Variants in PARN observed in about 807,000 individuals in gnomAD.
PARN encodes the protein poly(A)-specific ribonuclease PARN.
PARN carries 71 observed loss-of-function variants against 102.8 expected under a neutral mutation model. That is an observed-to-expected ratio of 0.69 (90% CI 0.57 to 0.84). The LOEUF (loss-of-function observed/expected upper bound fraction) is 0.84, where lower values mean the gene tolerates loss of function less well. Ranked by LOEUF, PARN falls within the 40% of genes least tolerant of loss-of-function variation. The pLI is 0.00. For synonymous variants in PARN, 261 were observed against 252.9 expected, an observed-to-expected ratio of 1.03 and a Z score of -0.30; for missense variants, 782 against 760.9, an observed-to-expected ratio of 1.03 and a Z score of -0.33.
At chr16:14,523,024 T>A in intron 21 of PARN, among the ~76,000 whole-genome samples, 1 of 151,554 alleles carries the variant, frequency 6.6e-6, no homozygotes, top group East Asian at 1.9e-4. Context: ...ACAAAGCAAC[T>A]CAGAAAGAAA....
At chr16:14,494,480 G>A (rs539002972) in intron 21 of PARN, among the ~76,000 whole-genome samples, 1 of 152,314 alleles carries the variant, frequency 6.6e-6, no homozygotes, top group Non-Finnish European at 1.5e-5. Context: ...TGAGACTTGA[G>A]GGTTGGGAGA....
intron 21 of PARN, among the ~76,000 whole-genome samples, chr16:14,509,259 T>C (rs1300141061): frequency 1.3e-5 from 2 of 152,152 alleles, no homozygotes; most frequent in African/African-American, 4.8e-5. Flanking sequence ...TGATGTGGCA[T>C]CCAGACACCA....
chr16:14,438,446 G>GT (rs1207473365), intron 23 of PARN, among the ~76,000 whole-genome samples: 11 of 150,542 alleles, frequency 7.3e-5, no homozygotes, highest in African/African-American at 1.7e-4. Flanking sequence ...TTAGTTGGGG[G>GT]GGGGGGTGTG....
rs144904092 is a variant in PARN, at chr16:14,624,370, T to C, written c.327+2736A>G. Reference sequence around the variant, plus strand: ...TTAACCTTTTCATACAATTCCCAAATTTAGAGTCTAAACCTTTTCTCTGCC... The same window carrying C: ...TTAACCTTTTCATACAATTCCCAAACTTAGAGTCTAAACCTTTTCTCTGCC... On this transcript the variant is annotated intron_variant, in intron 5 of 23. Coordinates refer to ENST00000437198, the MANE Select transcript of PARN (RefSeq NM_002582.4). 2.5e-3 allele frequency among the ~76,000 whole-genome samples: 380 copies of C among 152,338 alleles called. 2 individuals are homozygous for C. The highest frequency in any genetic ancestry group is 0.014 in the Middle Eastern group (4 of 294).
intron 5 of PARN, among the ~76,000 whole-genome samples, chr16:14,626,672 C>T (rs1243965895): frequency 1.3e-5 from 2 of 150,588 alleles, no homozygotes; most frequent in East Asian, 1.9e-4. Flanking sequence ...AGTGCAGGGG[C>T]GTGATCTCGG....
At chr16:14,605,205 A>C (rs1971110780) in intron 10 of PARN, among the ~76,000 whole-genome samples, 1 of 152,144 alleles carries the variant, frequency 6.6e-6, no homozygotes, top group Admixed American at 6.5e-5. Flanking sequence ...CAGCCTCCCA[A>C]AGTGCTGGGA....
rs141710969 is a variant in PARN at position 14,513,766 on chromosome 16, C to G, written c.1481-30939G>C. Among the ~76,000 whole-genome samples the G allele has an allele frequency of 4.6e-3, 708 of 152,304 alleles. 9 individuals carry two copies. The highest frequency in any genetic ancestry group is 0.016 in the African/African-American group (669 of 41,572). On this transcript the variant is annotated intron_variant, in intron 21 of 23. Coordinates refer to ENST00000437198, the MANE Select transcript of PARN (RefSeq NM_002582.4). ...AAAGCTCTCACTGACCATTCTTTCACTTCTTGGAGCAAAACTCTCTTTCTT... is the reference window on the plus strand; with the variant it reads ...AAAGCTCTCACTGACCATTCTTTCAGTTCTTGGAGCAAAACTCTCTTTCTT...
intron 21 of PARN, among the ~76,000 whole-genome samples, chr16:14,538,239 G>A (rs1054422765): frequency 2.2e-5 from 1 of 44,642 alleles, no homozygotes; most frequent in Admixed American, 2.6e-4. Context: ...TTTTTTTTTT[G>A]AGACAGTTTC....
chr16:14,628,176 T>C lies in PARN; in HGVS notation c.173A>G (p.Lys58Arg). 6.3e-7 allele frequency: 1 copy of C among 1,579,460 alleles called. No individual in the cohort carries two copies. The highest frequency in any genetic ancestry group is 8.7e-7 in the Non-Finnish European group (1 of 1,149,986). ...TTTCCTAGCACATCCACTTGCCTTTTTAAGCTTCTGATACCTCTCTTCTGG... is the reference window on the plus strand; with the variant it reads ...TTTCCTAGCACATCCACTTGCCTTTCTAAGCTTCTGATACCTCTCTTCTGG... ...DTPEERYQKL[K>R]KHSMDFLLFQ... The change falls in exon 3 of 24, where the codon AAA (lysine) becomes AGA (arginine). Residue 58 changes from lysine to arginine, a missense_variant. Coordinates refer to ENST00000437198, the MANE Select transcript of PARN (RefSeq NM_002582.4).
intron 18 of PARN, among the ~76,000 whole-genome samples, chr16:14,556,814 A>G (rs1463567907): frequency 1.3e-5 from 2 of 152,178 alleles, no homozygotes; most frequent in East Asian, 3.8e-4. Context: ...AATGAAATGC[A>G]AAGTCACTGG....
chr16:14,586,290 G>A (rs755054535), intron 14 of PARN, 28 bp downstream of exon 14: 181 of 1,480,432 alleles, frequency 1.2e-4, no homozygotes, highest in Non-Finnish European at 1.5e-4. Context: ...TTTTTTAAAA[G>A]AAAGACAAAT....
At chr16:14,478,696 T>C (rs1963208931) in intron 22 of PARN, among the ~76,000 whole-genome samples, 1 of 152,222 alleles carries the variant, frequency 6.6e-6, no homozygotes, top group African/African-American at 2.4e-5. Flanking sequence ...ATAGAAAACC[T>C]TATGGAATAT....
At chr16:14,587,334 A>T (rs964560318) in intron 13 of PARN, among the ~76,000 whole-genome samples, 1 of 152,214 alleles carries the variant, frequency 6.6e-6, no homozygotes, top group Non-Finnish European at 1.5e-5. Flanking sequence ...AATTACGGCC[A>T]CCTCCAGGGC....
At chr16:14,585,364 GT>G (rs36030259) in intron 14 of PARN, among the ~76,000 whole-genome samples, 59,792 of 120,958 alleles carry the variant, frequency 0.49, 13,936 homozygotes, top group South Asian at 0.56. Context: ...CTATTTCTCT[GT>G]TTTTTTTTTT....
At chr16:14,501,286 CA>C (rs1367937666) in intron 21 of PARN, among the ~76,000 whole-genome samples, 2 of 120,662 alleles carry the variant, frequency 1.7e-5, no homozygotes, top group Admixed American at 1.6e-4. Flanking sequence ...AAAAAACAAA[CA>C]AAAAAACAAT....
chr16:14,457,269 A>T (rs994085442), intron 22 of PARN, among the ~76,000 whole-genome samples: 1 of 152,208 alleles, frequency 6.6e-6, no homozygotes, highest in Non-Finnish European at 1.5e-5. Flanking sequence ...CCCACTGTGC[A>T]AACTACCTCA....
chr16:14,618,017 T>A (rs1385720181), intron 5 of PARN, among the ~76,000 whole-genome samples: 2 of 150,922 alleles, frequency 1.3e-5, no homozygotes, highest in Admixed American at 6.6e-5. Flanking sequence ...TACTTCATAA[T>A]ATTTTTTAAA....
intron 21 of PARN, among the ~76,000 whole-genome samples, chr16:14,535,603 C>G (rs1186832401): frequency 1.3e-5 from 2 of 152,136 alleles, no homozygotes; most frequent in African/African-American, 4.8e-5. Context: ...GCAACAAAAA[C>G]AGGGCTACAG....
rs527647549 is a variant in PARN at position 14,517,676 on chromosome 16, A to C, written c.1480+34345T>G. ...GCCTTATAAGTCAACAGAAAATAAA[A>C]GGTTATTTTTTCTTTTTTTGAGACA... On this transcript the variant is annotated intron_variant, in intron 21 of 23. Transcript: ENST00000437198. Among the ~76,000 whole-genome samples the C allele has an allele frequency of 3.3e-5, 5 of 152,302 alleles. No homozygotes were observed. In the South Asian group the frequency reaches 1.0e-3, roughly 32 times the overall value.
Sources: allele counts gnomAD v4.1 joint callset (sites outside exome capture counted in the v4.1 genomes callset), GRCh38; gene constraint gnomAD v4.1.1; transcripts MANE v1.5; gene names NCBI Gene and HGNC (gene_info 2026-07-23, HGNC 2026-07-21).